SPATA31F1: variants seen among roughly 807,000 people sequenced by gnomAD.
SPATA31F1 encodes protein SPATA31F1.
the SPATA31F1 span, chr9:34,729,428 G>A: frequency 6.5e-7 from 1 of 1,544,696 alleles, no homozygotes; most frequent in Non-Finnish European, 8.7e-7. Context: ...GGCTCAACAT[G>A]GTCTAAACTT....
the SPATA31F1 span, chr9:34,725,769 AG>A: frequency 6.5e-7 from 1 of 1,548,648 alleles, no homozygotes; most frequent in Non-Finnish European, 8.7e-7. Flanking sequence ...AGTGGGGAAG[AG>A]GGTGGGGCTG....
At chr9:34,728,175 GAA>G in the SPATA31F1 span, 1 of 1,163,528 alleles carries the variant, frequency 8.6e-7, no homozygotes. Context: ...CTCTCATCAA[GAA>G]AAGACTACAA....
At chr9:34,726,491 C>G in the SPATA31F1 span, 2 of 1,551,608 alleles carry the variant, frequency 1.3e-6, no homozygotes, top group Non-Finnish European at 1.7e-6. Context: ...GTGATGCTGG[C>G]CTTGGTTTCC....
At chr9:34,728,993 C>G in the SPATA31F1 span, among the ~76,000 whole-genome samples, 1 of 152,070 alleles carries the variant, frequency 6.6e-6, no homozygotes, top group Non-Finnish European at 1.5e-5. Flanking sequence ...CAAAGCCCAC[C>G]AACCGGAAAA....
chr9:34,728,706 C>T, the SPATA31F1 span: 46 of 1,512,718 alleles, frequency 3.0e-5, no homozygotes, highest in Non-Finnish European at 3.9e-5. Context: ...TTTTCTTTCT[C>T]ATGTCCAAAA....
chr9:34,729,167 A>G, the SPATA31F1 span: 7 of 1,228,858 alleles, frequency 5.7e-6, no homozygotes, highest in African/African-American at 1.5e-5. Flanking sequence ...GTATTACACA[A>G]AGGTAACTGA....
chr9:34,723,970 G>A, the SPATA31F1 span: 3 of 1,550,990 alleles, frequency 1.9e-6, no homozygotes, highest in Non-Finnish European at 2.6e-6. Context: ...GGGGTGTCTT[G>A]TTTGGAAGCA....
the SPATA31F1 span, chr9:34,724,482 C>A: frequency 5.9e-5 from 91 of 1,551,668 alleles, no homozygotes; most frequent in Non-Finnish European, 2.2e-5. Flanking sequence ...TTCTCTGGTG[C>A]TGCAACAGTT....
At chr9:34,724,022 C>G in the SPATA31F1 span, 1 of 1,543,900 alleles carries the variant, frequency 6.5e-7, no homozygotes. Flanking sequence ...TCTCTCTTCT[C>G]TGGTTGAGGA....
At chr9:34,727,058 G>A in the SPATA31F1 span, 1 of 1,496,002 alleles carries the variant, frequency 6.7e-7, no homozygotes, top group Non-Finnish European at 8.9e-7. Flanking sequence ...GTGGGCTGGA[G>A]TGGGCACTCT....
At chr9:34,724,257 T>A in the SPATA31F1 span, 1 of 1,551,526 alleles carries the variant, frequency 6.4e-7, no homozygotes, top group Admixed American at 2.0e-5. Context: ...GGCTGTGAGA[T>A]CTTGGAGACC....
At chr9:34,728,070 G>A in the SPATA31F1 span, 8 of 1,551,990 alleles carry the variant, frequency 5.2e-6, no homozygotes, top group South Asian at 9.5e-5. Context: ...TTCTTCCCGG[G>A]AACGTCTCCT....
At chr9:34,727,885 C>T in the SPATA31F1 span, 2 of 757,798 alleles carry the variant, frequency 2.6e-6, no homozygotes, top group African/African-American at 1.8e-5. Flanking sequence ...GCAACCCTCT[C>T]ACCCAGTGTC....
chr9:34,726,937 A>G, the SPATA31F1 span: 2 of 1,551,592 alleles, frequency 1.3e-6, no homozygotes, highest in Non-Finnish European at 1.7e-6. Context: ...GGCAGCAGGG[A>G]TCTGCACACA....
the SPATA31F1 span, chr9:34,724,287 G>A: frequency 1.9e-6 from 3 of 1,551,492 alleles, no homozygotes; most frequent in East Asian, 2.4e-5. Context: ...GAACCCTGGG[G>A]TACAGCTTTG....
chr9:34,728,637 C>A, the SPATA31F1 span: 1 of 1,551,324 alleles, frequency 6.4e-7, no homozygotes. Context: ...TAGCTCTTTG[C>A]CTGACTTTTT....
chr9:34,728,595 G>T, the SPATA31F1 span: 1 of 1,549,946 alleles, frequency 6.5e-7, no homozygotes, highest in East Asian at 2.4e-5. Flanking sequence ...TCAGAGGAGA[G>T]ATTGGGACTT....
the SPATA31F1 span, chr9:34,727,878 A>G: frequency 2.5e-5 from 18 of 707,072 alleles, no homozygotes; most frequent in East Asian, 4.0e-4. Flanking sequence ...TTCCCTGGCA[A>G]CCCTCTCACC....
chr9:34,726,310 G>A, the SPATA31F1 span: 18 of 1,533,662 alleles, frequency 1.2e-5, no homozygotes, highest in Non-Finnish European at 1.5e-5. Context: ...CACGTCTTGG[G>A]AGCCCCCACC....
Sources: gnomAD v4.1 joint callset for allele counts (sites outside exome capture counted in the v4.1 genomes callset) on GRCh38, gnomAD v4.1.1 for gene constraint, MANE v1.5 for transcripts, NCBI Gene and HGNC (gene_info 2026-07-23, HGNC 2026-07-21) for gene names.